The following BRAP variants were observed in gnomAD, a reference collection of about 807,000 sequenced individuals.
The protein encoded by BRAP is BRCA1-associated protein.
Under a neutral mutation model 73.4 loss-of-function variants are expected in BRAP, and 42 were observed. The observed-to-expected ratio is 0.57, with a 90% CI of 0.45 to 0.74. The LOEUF is 0.74. Among genes scored for constraint, BRAP ranks in the 30% least tolerant of loss-of-function variants. The pLI is 0.00. For missense variants in BRAP, 593 were observed against 751.4 expected, an observed-to-expected ratio of 0.79 and a Z score of 2.46; for synonymous variants, 255 against 267.4, an observed-to-expected ratio of 0.95 and a Z score of 0.45.
At chr12:111,655,778 T>C (rs1169189154) in intron 9 of BRAP, 123 bp from the exon 10 acceptor site, 2 of 743,616 alleles carry the variant, frequency 2.7e-6, no homozygotes, top group Non-Finnish European at 4.5e-6. Flanking sequence ...AATGTATATT[T>C]ACGCCCTGGT....
In BRAP at chr12:111,665,910, A is replaced by G; in HGVS notation, c.748-123T>C. 7.5e-7 allele frequency: 1 copy of G among 1,334,538 alleles called. No homozygotes were observed. Among genetic ancestry groups the G allele is most frequent in the Non-Finnish European group, 1.0e-6 (1 of 975,756 alleles). 82.7% of individuals were successfully genotyped at this position (1,334,538 alleles called of 1,614,324 possible). A position where few individuals can be genotyped will look rare whatever the true frequency, so the allele number is the denominator to read the frequency against. On this transcript the variant is annotated intron_variant, in intron 5 of 11. Coordinates refer to ENST00000419234, the MANE Select transcript of BRAP (RefSeq NM_006768.5). This position sits in a 1 kb window ranked among gnomAD's most constrained non-coding sequence, Gnocchi z 4.3. ...CACGCTGGAGCCCAGTGGCGCAATC[A>G]TGGCTCATTACAGCCTTGACCTCCC...
intron 4 of BRAP, among the ~76,000 whole-genome samples, chr12:111,673,605 C>T (rs1887262345): frequency 4.0e-5 from 6 of 151,304 alleles, no homozygotes; most frequent in Middle Eastern, 6.9e-3. Flanking sequence ...ACCAACTACT[C>T]TTTAATAAAC....
At chr12:111,677,325 A>G (rs1246035164) in intron 4 of BRAP, among the ~76,000 whole-genome samples, 1 of 152,166 alleles carries the variant, frequency 6.6e-6, no homozygotes, top group African/African-American at 2.4e-5. Flanking sequence ...AAACTGTAAC[A>G]ATACTGCTGT....
intron 2 of BRAP, among the ~76,000 whole-genome samples, chr12:111,682,555 G>A (rs1197175528): frequency 6.6e-6 from 1 of 151,658 alleles, no homozygotes; most frequent in African/African-American, 2.4e-5. Context: ...GGCAGAGCAG[G>A]GGAAGGCACG....
At chr12:111,647,474 T>G (rs1886150442) in intron 11 of BRAP, among the ~76,000 whole-genome samples, 2 of 152,188 alleles carry the variant, frequency 1.3e-5, no homozygotes, top group South Asian at 4.1e-4. Context: ...GAGCTAAACA[T>G]CTAGAAGAAG....
At chr12:111,652,314 C>T (rs1886357877) in intron 10 of BRAP, among the ~76,000 whole-genome samples, 1 of 152,096 alleles carries the variant, frequency 6.6e-6, no homozygotes, top group South Asian at 2.1e-4. Context: ...AACTCCGCCT[C>T]CTGGGTTCAT....
At chr12:111,684,082 T>C (rs1178423482) in intron 1 of BRAP, among the ~76,000 whole-genome samples, 2 of 152,140 alleles carry the variant, frequency 1.3e-5, no homozygotes, top group African/African-American at 4.8e-5. Flanking sequence ...GTGATTACTG[T>C]CTTAAATCAA....
chr12:111,683,094 G>T, intron 2 of BRAP, 52 bp downstream of exon 2: 1 of 1,560,064 alleles, frequency 6.4e-7, no homozygotes, highest in Non-Finnish European at 8.7e-7. Context: ...GTATAAAATA[G>T]GCAACCAGTG....
At chr12:111,683,012 C>T in intron 2 of BRAP, 134 bp downstream of exon 2, 1 of 923,888 alleles carries the variant, frequency 1.1e-6, no homozygotes, top group Non-Finnish European at 1.6e-6. Context: ...TTAACAGTGT[C>T]ATATAAAGCA....
chr12:111,649,138 T>C (rs1227858352), intron 11 of BRAP, among the ~76,000 whole-genome samples: 1 of 152,204 alleles, frequency 6.6e-6, no homozygotes, highest in Non-Finnish European at 1.5e-5. Context: ...TGTAGTGTTG[T>C]TTTTACAATA....
intron 10 of BRAP, among the ~76,000 whole-genome samples, chr12:111,652,668 G>C (rs1886372834): frequency 6.6e-6 from 1 of 152,130 alleles, no homozygotes; most frequent in African/African-American, 2.4e-5. Flanking sequence ...CTTGAGCCCA[G>C]GAGTTGGAGA....
At chr12:111,681,947 A>G (rs1333771198) in intron 2 of BRAP, 112 bp from the exon 3 acceptor site, 1 of 959,542 alleles carries the variant, frequency 1.0e-6, no homozygotes, top group South Asian at 1.9e-5. Context: ...AGTAATTACA[A>G]TGTAATGCAT....
intron 10 of BRAP, among the ~76,000 whole-genome samples, chr12:111,654,317 CTTT>C (rs371816715): frequency 0.026 from 3,675 of 142,650 alleles, 155 homozygotes; most frequent in African/African-American, 0.088. Context: ...TTAAAACTGA[CTTT>C]TTTTTTTTTT....
intron 6 of BRAP, among the ~76,000 whole-genome samples, chr12:111,661,713 G>GT (rs746875251): frequency 0.18 from 25,524 of 141,542 alleles, 2,359 homozygotes; most frequent in East Asian, 0.27. Flanking sequence ...AAAAAAAAAG[G>GT]TTTTTTTTTT....
Position 111,642,807 on chromosome 12 carries a change from T to A in BRAP, c.*1392A>T, listed in dbSNP as rs920934032. 2.6e-5 allele frequency: 4 copies of A among 152,062 alleles called. No homozygotes were observed. The highest frequency in any genetic ancestry group is 9.7e-5 in the African/African-American group (4 of 41,398). 9.4% of individuals were successfully genotyped at this position (152,062 alleles called of 1,614,324 possible). ...TCATTTTGCAACATTACACGTAAAG[T>A]TTTTTGGGAAATGCTGCAGCACATC... On this transcript the variant is annotated 3_prime_UTR_variant, in exon 12 of 12. Coordinates refer to ENST00000419234, the MANE Select transcript of BRAP (RefSeq NM_006768.5).
At chr12:111,681,973 G>T in intron 2 of BRAP, 138 bp from the exon 3 acceptor site, 1 of 804,006 alleles carries the variant, frequency 1.2e-6, no homozygotes, top group Non-Finnish European at 1.9e-6. Context: ...GCTATTATTT[G>T]TAGAATAGCT....
intron 1 of BRAP, 55 bp from the exon 2 acceptor site, chr12:111,683,362 C>T: frequency 6.6e-7 from 1 of 1,516,618 alleles, no homozygotes; most frequent in East Asian, 2.3e-5. Flanking sequence ...CCTCTCTGTT[C>T]TCTATTCCTC....
At chr12:111,684,775 TCTC>T (rs1354633328) in intron 1 of BRAP, among the ~76,000 whole-genome samples, 2 of 152,098 alleles carry the variant, frequency 1.3e-5, no homozygotes, top group African/African-American at 4.8e-5. Flanking sequence ...TTCAAGCGAT[TCTC>T]CTGCCTCAGC....
intron 5 of BRAP, 48 bp downstream of exon 5, chr12:111,672,613 C>T (rs373680238): frequency 7.9e-6 from 12 of 1,521,570 alleles, no homozygotes; most frequent in African/African-American, 5.6e-5. Context: ...TTCAATTTTA[C>T]ACCAATCTGA....
Sources: allele counts gnomAD v4.1 joint callset (sites outside exome capture counted in the v4.1 genomes callset), GRCh38; gene constraint gnomAD v4.1.1; non-coding constraint Gnocchi (gnomAD v3.1); transcripts MANE v1.5; gene names NCBI Gene and HGNC (gene_info 2026-07-23, HGNC 2026-07-21).